DAPK1: variants seen among roughly 807,000 people sequenced by gnomAD.
DAPK1 encodes the protein death associated protein kinase 1.
Under a neutral mutation model 144.9 loss-of-function variants are expected in DAPK1, and 56 were observed. That is an observed-to-expected ratio of 0.39 (90% CI 0.31 to 0.48). DAPK1 has a LOEUF of 0.48. DAPK1 is among the 20% of genes least tolerant of loss of function. DAPK1 has a pLI of 0.95. For synonymous variants in DAPK1, 690 were observed against 749.0 expected, an observed-to-expected ratio of 0.92 and a Z score of 1.29; for missense variants, 1,454 against 1,875.4, an observed-to-expected ratio of 0.78 and a Z score of 4.15.
At chr9:87,533,271 G>C (rs1587694212) in intron 2 of DAPK1, among the ~76,000 whole-genome samples, 1 of 152,254 alleles carries the variant, frequency 6.6e-6, no homozygotes, top group Non-Finnish European at 1.5e-5. Context: ...ACTGTTGGGA[G>C]AACTACATTT....
chr9:87,679,914 G>A lies in DAPK1; in HGVS notation c.2002-1490G>A, dbSNP rs564383942. ...ATCCAGACACCTCCACACAGAGAGG[G>A]ACAGATGCTCTTGCTGGTCAGACAG... On this transcript the variant is annotated intron_variant, in intron 19 of 25. Coordinates refer to ENST00000408954, the MANE Select transcript of DAPK1 (RefSeq NM_004938.4). Among the ~76,000 whole-genome samples the A allele has an allele frequency of 2.0e-3, 303 of 152,198 alleles. 1 individual carries two copies. The highest frequency in any genetic ancestry group is 6.8e-3 in the African/African-American group (283 of 41,532).
intron 2 of DAPK1, among the ~76,000 whole-genome samples, chr9:87,535,623 A>G (rs770952514): frequency 1.3e-5 from 2 of 152,204 alleles, no homozygotes; most frequent in African/African-American, 2.4e-5. Context: ...ACCTAAATAT[A>G]TAGCCCACCA....
intron 2 of DAPK1, among the ~76,000 whole-genome samples, chr9:87,575,249 A>G (rs927517008): frequency 1.3e-5 from 1 of 78,058 alleles, no homozygotes; most frequent in African/African-American, 5.0e-5. Context: ...AATAAAATAA[A>G]ATAAAATAAA....
chr9:87,617,779 C>T (rs535223672), intron 3 of DAPK1, among the ~76,000 whole-genome samples: 7 of 152,300 alleles, frequency 4.6e-5, no homozygotes, highest in African/African-American at 1.7e-4. Context: ...AGACGGGTCT[C>T]CCCAGGTACC....
At position 87,707,833 on chromosome 9, in the gene DAPK1, G is replaced by T. The variant is rs1279721461; in HGVS notation, c.*469G>T. 2 of 456,510 alleles carry T rather than the reference G, an allele frequency of 4.4e-6. No individual in the cohort carries two copies. Among genetic ancestry groups the T allele is most frequent in the African/African-American group, 2.0e-5 (1 of 49,990 alleles). 28.3% of individuals were successfully genotyped at this position (456,510 alleles called of 1,614,324 possible). ...TCCTCAGCTTATCTCTTTTATATTT[G>T]TAGGAGAAACTCCCATGTATGGAAT... On this transcript the variant is annotated 3_prime_UTR_variant, in exon 26 of 26. Transcript: ENST00000408954. This position sits in a 1 kb window ranked among gnomAD's most constrained non-coding sequence, Gnocchi z 4.0.
At chr9:87,622,203 G>C (rs77127156) in intron 3 of DAPK1, among the ~76,000 whole-genome samples, 2 of 151,736 alleles carry the variant, frequency 1.3e-5, no homozygotes, top group Non-Finnish European at 2.9e-5. Flanking sequence ...ATGCGCCCTC[G>C]CTCCCTATCC....
intron 2 of DAPK1, among the ~76,000 whole-genome samples, chr9:87,571,476 A>ACACACACACACACACCCCCCCCC (rs771023885): frequency 2.1e-5 from 1 of 48,548 alleles, no homozygotes; most frequent in African/African-American, 9.2e-5. Flanking sequence ...CACACACACC[A>ACACACACACACACACCCCCCCCC]ACACACACAC....
intron 11 of DAPK1, among the ~76,000 whole-genome samples, chr9:87,644,724 A>G (rs1385889174): frequency 6.6e-6 from 1 of 152,226 alleles, no homozygotes; most frequent in Non-Finnish European, 1.5e-5. Flanking sequence ...CTGAGAGACA[A>G]TACATGTGTC....
At chr9:87,616,230 T>C (rs146930520) in intron 3 of DAPK1, among the ~76,000 whole-genome samples, 4 of 151,808 alleles carry the variant, frequency 2.6e-5, no homozygotes, top group Non-Finnish European at 5.9e-5. Context: ...AGCCTAGGAG[T>C]GGGATGGCTT....
chr9:87,681,364 T>C, intron 19 of DAPK1, 40 bp from the exon 20 acceptor site: 1 of 1,096,818 alleles, frequency 9.1e-7, no homozygotes, highest in Non-Finnish European at 1.4e-6. Context: ...TATTTGCCTC[T>C]TTTTCTGTCA....
chr9:87,561,267 T>C (rs10868634), intron 2 of DAPK1, among the ~76,000 whole-genome samples: 60,682 of 152,018 alleles, frequency 0.4, 13,453 homozygotes, highest in African/African-American at 0.59. Flanking sequence ...TGGCTCACGC[T>C]TGTAATCCCA....
intron 17 of DAPK1, 156 bp from the exon 18 acceptor site, chr9:87,657,873 C>T (rs1830683041): frequency 6.1e-6 from 4 of 650,678 alleles, no homozygotes; most frequent in Middle Eastern, 2.5e-4. Context: ...GCCTGGCTGG[C>T]CTGCCCCAGT....
chr9:87,539,218 TG>T (rs1213834334), intron 2 of DAPK1, among the ~76,000 whole-genome samples: 3 of 151,820 alleles, frequency 2.0e-5, no homozygotes, highest in African/African-American at 7.2e-5. Flanking sequence ...TGATAAGAAT[TG>T]TATTATATTA....
chr9:87,630,663 G>A (rs192136985), intron 3 of DAPK1, among the ~76,000 whole-genome samples: 2 of 152,312 alleles, frequency 1.3e-5, no homozygotes, highest in Non-Finnish European at 2.9e-5. Context: ...GCTGGGAAAT[G>A]CCCCTTAGTT....
chr9:87,664,252 C>G (rs1029286365), intron 18 of DAPK1, among the ~76,000 whole-genome samples: 2 of 152,110 alleles, frequency 1.3e-5, no homozygotes, highest in African/African-American at 4.8e-5. Context: ...CCTGCCGGCT[C>G]CCCCATCATG....
Position 87,605,115 on chromosome 9 carries a change from A to G in DAPK1, c.224A>G (p.Asn75Ser), listed in dbSNP as rs759393262. The stretch of plus-strand genomic sequence containing the variant: ...ATCCTGAAGGAGATCCAGCACCCCA[A>G]TGTCATCACCCTGCACGAGGTCTAT... ...VSILKEIQHP[N>S]VITLHEVYEN... The change falls in exon 3 of 26, where the codon AAT (asparagine) becomes AGT (serine). Residue 75 changes from asparagine to serine, a missense_variant. This residue lies in a region of DAPK1 where 429 missense variants were observed against 637.5 expected (regional missense o/e 0.67). Transcript: ENST00000408954. 1.2e-5 allele frequency: 20 copies of G among 1,614,062 alleles called. No individual in the cohort carries two copies. The highest frequency in any genetic ancestry group is 6.7e-5 in the East Asian group (3 of 44,884).
At chr9:87,650,205 G>C in intron 16 of DAPK1, 87 bp downstream of exon 16, 1 of 1,394,542 alleles carries the variant, frequency 7.2e-7, no homozygotes, top group Non-Finnish European at 1.0e-6. Flanking sequence ...GTTTCCCTAA[G>C]ATAACAAACT....
intron 4 of DAPK1, among the ~76,000 whole-genome samples, chr9:87,638,838 C>T (rs577321237): frequency 1.3e-5 from 2 of 152,358 alleles, no homozygotes; most frequent in East Asian, 1.9e-4. Flanking sequence ...AAAGCACACA[C>T]TCATATACAT....
intron 19 of DAPK1, among the ~76,000 whole-genome samples, chr9:87,670,732 C>T (rs771784914): frequency 6.6e-6 from 1 of 152,156 alleles, no homozygotes; most frequent in Admixed American, 6.5e-5. Context: ...CTCTCAACTT[C>T]GAGTGCTGTT....
Sources: gnomAD v4.1 joint callset for allele counts (sites outside exome capture counted in the v4.1 genomes callset) on GRCh38, gnomAD v4.1.1 for gene constraint, gnomAD v4.1.1 regional missense constraint, Gnocchi (gnomAD v3.1) non-coding constraint, MANE v1.5 for transcripts, NCBI Gene and HGNC (gene_info 2026-07-23, HGNC 2026-07-21) for gene names.